CEP128: variants seen among roughly 807,000 people sequenced by gnomAD.
The protein encoded by CEP128 is centrosomal protein 128kDa.
In CEP128, 132 loss-of-function variants were observed where a neutral mutation model predicts 156.7. The observed-to-expected ratio is 0.84, with a 90% CI of 0.73 to 0.97. The LOEUF (loss-of-function observed/expected upper bound fraction) is 0.97, where lower values mean the gene tolerates loss of function less well. Ranked by LOEUF, CEP128 falls within the 50% of genes least tolerant of loss-of-function variation. The probability of loss-of-function intolerance (pLI) is 0.00; values close to 1 mark genes in which losing one functional copy is unlikely to be tolerated. For synonymous variants in CEP128, 469 were observed against 448.9 expected, an observed-to-expected ratio of 1.04 and a Z score of -0.57; for missense variants, 1,252 against 1,281.9, an observed-to-expected ratio of 0.98 and a Z score of 0.36.
chr14:80,797,487 G>C (rs1353935973), intron 13 of CEP128, among the ~76,000 whole-genome samples: 1 of 152,170 alleles, frequency 6.6e-6, no homozygotes, highest in African/African-American at 2.4e-5. Flanking sequence ...GAAACTATCA[G>C]TAGCTACTGC....
At chr14:80,538,709 AT>A (rs1233775674) in intron 21 of CEP128, among the ~76,000 whole-genome samples, 1 of 152,056 alleles carries the variant, frequency 6.6e-6, no homozygotes, top group Non-Finnish European at 1.5e-5. Flanking sequence ...CCACTTCATT[AT>A]TTTTTTAAAT....
At chr14:80,537,387 A>C (rs2140298239) in intron 21 of CEP128, among the ~76,000 whole-genome samples, 1 of 152,298 alleles carries the variant, frequency 6.6e-6, no homozygotes, top group African/African-American at 2.4e-5. Flanking sequence ...GGAGAAGGGA[A>C]GACAGAGGAA....
chr14:80,694,630 T>G (rs1378176966), intron 19 of CEP128, among the ~76,000 whole-genome samples: 1 of 152,000 alleles, frequency 6.6e-6, no homozygotes, highest in Admixed American at 6.6e-5. Flanking sequence ...GCCATCATTC[T>G]CAGCAAACTA....
intron 19 of CEP128, among the ~76,000 whole-genome samples, chr14:80,661,956 T>C (rs1192194633): frequency 1.3e-5 from 2 of 152,128 alleles, no homozygotes; most frequent in East Asian, 3.9e-4. Context: ...GCTGAAACAA[T>C]ATCACTCAGT....
chr14:80,653,926 A>C (rs937533901), intron 19 of CEP128, among the ~76,000 whole-genome samples: 1 of 152,098 alleles, frequency 6.6e-6, no homozygotes, highest in African/African-American at 2.4e-5. Flanking sequence ...TTGTTTCATG[A>C]AACTTTTGGG....
At chr14:80,517,874 AT>A (rs1888562116) in intron 23 of CEP128, among the ~76,000 whole-genome samples, 1 of 152,050 alleles carries the variant, frequency 6.6e-6, no homozygotes, top group South Asian at 2.1e-4. Flanking sequence ...GCGAGCCTTT[AT>A]CCTGACTGGG....
chr14:80,616,090 C>T (rs1284784066), intron 19 of CEP128, among the ~76,000 whole-genome samples: 3 of 152,118 alleles, frequency 2.0e-5, no homozygotes, highest in Admixed American at 6.6e-5. Context: ...GAGTAAAGGT[C>T]GCCGGTGGCC....
intron 14 of CEP128, among the ~76,000 whole-genome samples, chr14:80,792,005 C>G (rs1033213046): frequency 1.3e-5 from 2 of 152,040 alleles, no homozygotes; most frequent in Admixed American, 6.6e-5. Context: ...CAAGAATAAA[C>G]ATGGATAAAA....
chr14:80,943,791 C>A (rs1048543012), upstream of CEP128, among the ~76,000 whole-genome samples: 3 of 151,762 alleles, frequency 2.0e-5, no homozygotes, highest in Non-Finnish European at 2.9e-5. Context: ...GTCAGGAGTT[C>A]GAGACCAGCC....
At chr14:80,645,490 G>A (rs1894595366) in intron 19 of CEP128, among the ~76,000 whole-genome samples, 1 of 152,024 alleles carries the variant, frequency 6.6e-6, no homozygotes, top group South Asian at 2.1e-4. Flanking sequence ...AATGTGTTAT[G>A]ACAATATTAT....
intron 19 of CEP128, among the ~76,000 whole-genome samples, chr14:80,679,802 C>G (rs1896241397): frequency 1.3e-5 from 2 of 152,134 alleles, no homozygotes; most frequent in Non-Finnish European, 2.9e-5. Context: ...TTTTGAAGTC[C>G]TTAATAAAAA....
downstream of CEP128, among the ~76,000 whole-genome samples, chr14:80,493,128 A>T (rs1887380097): frequency 6.6e-6 from 1 of 152,174 alleles, no homozygotes; most frequent in Non-Finnish European, 1.5e-5. Flanking sequence ...AAAAAATGAG[A>T]GGGCGACAAG....
At chr14:80,836,571 T>TC (rs1164503375) in intron 11 of CEP128, among the ~76,000 whole-genome samples, 2 of 152,050 alleles carry the variant, frequency 1.3e-5, no homozygotes, top group Admixed American at 1.3e-4. Flanking sequence ...ATTTTTTTTT[T>TC]CATCACTTAT....
rs181364130 is a variant in CEP128, at chr14:80,503,388, C to T, written c.3181+1524G>A. Among the ~76,000 whole-genome samples the T allele has an allele frequency of 2.6e-5, 4 of 152,186 alleles. No individual in the cohort carries two copies. In the East Asian group the frequency reaches 7.7e-4, roughly 29 times the overall value. ...TGGTCATGAAATGCTAGTGTTGAAACCTAAATACAGGTTCTTTCACTGCCT... is the reference window on the plus strand; with the variant it reads ...TGGTCATGAAATGCTAGTGTTGAAATCTAAATACAGGTTCTTTCACTGCCT... On this transcript the variant is annotated intron_variant, in intron 24 of 24. Coordinates refer to ENST00000555265, the MANE Select transcript of CEP128 (RefSeq NM_152446.5).
At chr14:80,534,159 A>C (rs921290686) in intron 21 of CEP128, among the ~76,000 whole-genome samples, 8 of 152,024 alleles carry the variant, frequency 5.3e-5, no homozygotes, top group Non-Finnish European at 8.8e-5. Flanking sequence ...CTCTCTCTGC[A>C]TGTATGTGAG....
chr14:80,626,326 C>T lies in CEP128; in HGVS notation c.2807-45903G>A, dbSNP rs377600104. ...AAAAATACAAAAAATTAGCCGGGCGCGGTGGCGGGCGCCTGTAGTCCCAGC... is the reference window on the plus strand; with the variant it reads ...AAAAATACAAAAAATTAGCCGGGCGTGGTGGCGGGCGCCTGTAGTCCCAGC... On this transcript the variant is annotated intron_variant, in intron 19 of 24. Coordinates refer to ENST00000555265, the MANE Select transcript of CEP128 (RefSeq NM_152446.5). 2.3e-4 allele frequency among the ~76,000 whole-genome samples: 34 copies of T among 151,058 alleles called. No individual in the cohort carries two copies. The South Asian group carries it at 4.8e-3, about 21-fold the overall frequency.
chr14:80,897,565 A>G (rs970553835), intron 7 of CEP128, among the ~76,000 whole-genome samples: 1 of 152,196 alleles, frequency 6.6e-6, no homozygotes, highest in African/African-American at 2.4e-5. Flanking sequence ...TATCTCAGGA[A>G]GTGGAATTAC....
intron 12 of CEP128, among the ~76,000 whole-genome samples, chr14:80,833,275 T>C (rs539853540): frequency 6.6e-6 from 1 of 151,840 alleles, no homozygotes; most frequent in African/African-American, 2.4e-5. Context: ...AATGAATATA[T>C]ATTATATAAA....
In CEP128 at chr14:80,950,690, T is replaced by C. The variant is rs113578473; in HGVS notation, c.-172+7488A>G. ...CTAATAAGTGCAATAATTGGAATGC[T>C]CAAGGGAGAGGAAAGTGATAAGGGG... On this transcript the variant is annotated intron_variant, in intron 2 of 7. Coordinates refer to the CEP128 transcript ENST00000555529. 3.4e-3 allele frequency among the ~76,000 whole-genome samples: 519 copies of C among 152,180 alleles called. 7 individuals are homozygous for C. Among genetic ancestry groups the C allele is most frequent in the African/African-American group, 0.012 (503 of 41,544 alleles).
Sources: allele counts gnomAD v4.1 joint callset (sites outside exome capture counted in the v4.1 genomes callset), GRCh38; gene constraint gnomAD v4.1.1; transcripts MANE v1.5; gene names NCBI Gene and HGNC (gene_info 2026-07-23, HGNC 2026-07-21).